Variants in DACH1 observed in about 807,000 individuals in gnomAD.
The protein encoded by DACH1 is dachshund family transcription factor 1, also known as dachshund homolog 1.
In DACH1, 12 loss-of-function variants were observed where a neutral mutation model predicts 54.2. The ratio of observed to expected loss-of-function variants is 0.22; its 90% CI spans 0.14 to 0.36. The LOEUF is 0.36. DACH1 is among the 10% of genes least tolerant of loss of function. DACH1 has a pLI of 1.00. For missense variants in DACH1, 805 were observed against 929.8 expected (o/e 0.87, Z 1.75); for synonymous variants, 386 against 366.2 (o/e 1.05, Z -0.62).
At chr13:71,477,915 T>C (rs1024584559) in intron 8 of DACH1, among the ~76,000 whole-genome samples, 2 of 152,180 alleles carry the variant, frequency 1.3e-5, no homozygotes, top group African/African-American at 2.4e-5. Flanking sequence ...AACTTTACGG[T>C]GTGATCTGTG....
rs536269755 is a variant in DACH1, at chr13:71,649,273, T to G, written c.965-18556A>C. 4.6e-5 allele frequency among the ~76,000 whole-genome samples: 7 copies of G among 152,266 alleles called. No homozygotes were observed. In the East Asian group the frequency reaches 1.3e-3, roughly 29 times the overall value. Reference sequence around the variant, plus strand: ...AGGTTTGTGTAAGTACGCTCAACGATGCACACACAAGATGAAATCACCTAA... The same window carrying G: ...AGGTTTGTGTAAGTACGCTCAACGAGGCACACACAAGATGAAATCACCTAA... On this transcript the variant is annotated intron_variant, in intron 2 of 10. Coordinates refer to ENST00000613252, the MANE Select transcript of DACH1 (RefSeq NM_080759.6).
intron 1 of DACH1, among the ~76,000 whole-genome samples, chr13:71,851,891 T>C (rs8002800): frequency 0.4 from 60,707 of 151,966 alleles, 14,671 homozygotes; most frequent in East Asian, 0.84. Flanking sequence ...TTGTCTTGTG[T>C]ATTTTCTTCA....
intron 3 of DACH1, among the ~76,000 whole-genome samples, chr13:71,618,720 T>A: frequency 6.6e-6 from 1 of 151,944 alleles, no homozygotes. Context: ...GATTTTATTT[T>A]AAAAGCCTAC....
chr13:71,728,747 C>G (rs963969834), intron 1 of DACH1, among the ~76,000 whole-genome samples: 1 of 151,986 alleles, frequency 6.6e-6, no homozygotes, highest in East Asian at 1.9e-4. Flanking sequence ...AGTGTATTGT[C>G]TGTCTTTTAA....
chr13:71,809,316 C>T (rs1268082424), intron 1 of DACH1, among the ~76,000 whole-genome samples: 1 of 152,088 alleles, frequency 6.6e-6, no homozygotes, highest in Non-Finnish European at 1.5e-5. Context: ...GGATTACAGG[C>T]ATTGCCACTC....
At chr13:71,646,152 A>G (rs950663247) in intron 2 of DACH1, among the ~76,000 whole-genome samples, 21 of 152,068 alleles carry the variant, frequency 1.4e-4, no homozygotes, top group African/African-American at 5.1e-4. Context: ...CCTGGCCAAC[A>G]TGGTAAAAGT....
intron 10 of DACH1, among the ~76,000 whole-genome samples, chr13:71,443,859 T>C (rs1193900392): frequency 6.6e-6 from 1 of 152,198 alleles, no homozygotes; most frequent in Non-Finnish European, 1.5e-5. Flanking sequence ...ATCAAGGCCA[T>C]ATAATTTAGG....
chr13:71,442,553 AT>A (rs1232113080), intron 10 of DACH1, among the ~76,000 whole-genome samples: 2 of 152,094 alleles, frequency 1.3e-5, no homozygotes, highest in African/African-American at 4.8e-5. Flanking sequence ...ATGAAACTCT[AT>A]TTTGCTCATT....
chr13:71,452,629 G>C (rs757922342), intron 10 of DACH1, among the ~76,000 whole-genome samples: 1 of 152,160 alleles, frequency 6.6e-6, no homozygotes, highest in Non-Finnish European at 1.5e-5. Context: ...TTTTTGAGAA[G>C]TTTATTCAAG....
chr13:71,627,782 C>A (rs546600030), intron 3 of DACH1, among the ~76,000 whole-genome samples: 1 of 152,000 alleles, frequency 6.6e-6, no homozygotes, highest in Non-Finnish European at 1.5e-5. Flanking sequence ...CCTACAAAAT[C>A]TCTAAGATGC....
chr13:71,715,545 T>C (rs1594129751), intron 1 of DACH1, among the ~76,000 whole-genome samples: 1 of 152,136 alleles, frequency 6.6e-6, no homozygotes, highest in East Asian at 1.9e-4. Flanking sequence ...TCACTATTCT[T>C]CCTCCTGCCC....
chr13:71,659,198 T>C (rs1370427547), intron 2 of DACH1, among the ~76,000 whole-genome samples: 2 of 152,178 alleles, frequency 1.3e-5, no homozygotes, highest in South Asian at 2.1e-4. Flanking sequence ...AGGAAGTTTC[T>C]GTATATCACT....
Position 71,496,237 on chromosome 13 carries a change from C to A in DACH1, c.1571-7089G>T, listed in dbSNP as rs560185457. ...TGAGCGACACAGCAAGACTTTGTCT[C>A]CCAAAAAACAAAAAAATTGCTATGT... On this transcript the variant is annotated intron_variant, in intron 6 of 10. Coordinates refer to ENST00000613252, the MANE Select transcript of DACH1 (RefSeq NM_080759.6). 2.5e-4 allele frequency among the ~76,000 whole-genome samples: 30 copies of A among 120,926 alleles called. 1 individual carries two copies. The South Asian group carries it at 8.4e-3, about 34-fold the overall frequency. 79.3% of individuals were successfully genotyped at this position (120,926 alleles called of 152,430 possible).
chr13:71,541,407 A>G (rs1297571466), intron 6 of DACH1, among the ~76,000 whole-genome samples: 1 of 152,134 alleles, frequency 6.6e-6, no homozygotes, highest in African/African-American at 2.4e-5. Context: ...AAACTGGCAT[A>G]GTTTGCCTTA....
chr13:71,519,158 C>T (rs1450843590), intron 6 of DACH1, among the ~76,000 whole-genome samples: 1 of 151,868 alleles, frequency 6.6e-6, no homozygotes, highest in East Asian at 1.9e-4. Flanking sequence ...AGATTAGTAG[C>T]ACCCTTTATC....
rs1022944504 is a variant in DACH1, at chr13:71,815,958, G to A, written c.848+49964C>T. ...AAATTAGCCGGGCGTGGTAGCGGGCGCCTGTAGTCCCAGCTACTCGGGAGG... is the reference window on the plus strand; with the variant it reads ...AAATTAGCCGGGCGTGGTAGCGGGCACCTGTAGTCCCAGCTACTCGGGAGG... On this transcript the variant is annotated intron_variant, in intron 1 of 10. Transcript: ENST00000613252. Among the ~76,000 whole-genome samples, 5 of 151,960 alleles carry A rather than the reference G, an allele frequency of 3.3e-5. No individual in the cohort carries two copies. In the East Asian group the frequency reaches 5.8e-4, roughly 18 times the overall value.
At chr13:71,777,911 G>C (rs1336721294) in intron 1 of DACH1, among the ~76,000 whole-genome samples, 2 of 151,876 alleles carry the variant, frequency 1.3e-5, no homozygotes, top group Non-Finnish European at 2.9e-5. Flanking sequence ...GAACCCAAAA[G>C]TTTGAGACCA....
chr13:71,687,379 C>CTAAG (rs199989972), intron 1 of DACH1, among the ~76,000 whole-genome samples: 1,590 of 151,876 alleles, frequency 0.01, 32 homozygotes, highest in Non-Finnish European at 0.011. Context: ...TGCTTACTTT[C>CTAAG]TAAGTAACAT....
intron 3 of DACH1, among the ~76,000 whole-genome samples, chr13:71,577,978 A>G (rs1885638253): frequency 6.6e-6 from 1 of 152,230 alleles, no homozygotes; most frequent in Admixed American, 6.5e-5. Context: ...AGAGAAGTCC[A>G]CAGTATTTCT....
Sources: gnomAD v4.1 joint callset for allele counts (sites outside exome capture counted in the v4.1 genomes callset) on GRCh38, gnomAD v4.1.1 for gene constraint, MANE v1.5 for transcripts, NCBI Gene and HGNC (gene_info 2026-07-23, HGNC 2026-07-21) for gene names.